Variants in ATP6V1E2 observed in about 807,000 individuals in gnomAD.
ATP6V1E2 encodes V-type proton ATPase subunit E 2.
For missense variants in ATP6V1E2, 308 were observed against 273.3 expected (o/e 1.13, Z -0.90); for synonymous variants, 121 against 104.2 (o/e 1.16, Z -0.98).
At chr2:46,528,190 T>C (rs1667020677) in intron 4 of ATP6V1E2, 1 of 152,274 alleles carries the variant, frequency 6.6e-6, no homozygotes, top group Non-Finnish European at 1.5e-5. Context: ...TGTATGTGTA[T>C]GTATTCCAGT....
intron 2 of ATP6V1E2, among the ~76,000 whole-genome samples, 187 bp from the exon 3 acceptor site, chr2:46,536,890 C>T (rs550256573): frequency 6.6e-6 from 1 of 152,072 alleles, no homozygotes; most frequent in Non-Finnish European, 1.5e-5. Flanking sequence ...TCAAGTGATT[C>T]TCCTGCCTCA....
intron 2 of ATP6V1E2, among the ~76,000 whole-genome samples, chr2:46,540,752 C>A (rs1667712840): frequency 6.6e-6 from 1 of 151,404 alleles, no homozygotes; most frequent in South Asian, 2.1e-4. Context: ...TTCTGGATAG[C>A]CCCCCTCCCC....
At chr2:46,527,000 A>G (rs1666954972) in intron 4 of ATP6V1E2, among the ~76,000 whole-genome samples, 1 of 152,218 alleles carries the variant, frequency 6.6e-6, no homozygotes, top group African/African-American at 2.4e-5. Context: ...ACAGCAATGC[A>G]CATGGGTTCC....
chr2:46,515,587 TAGCA>T (rs770718231), intron 4 of ATP6V1E2, among the ~76,000 whole-genome samples: 2 of 151,528 alleles, frequency 1.3e-5, no homozygotes, highest in African/African-American at 2.4e-5. Flanking sequence ...ACAAGGAAGA[TAGCA>T]AGAGAGGAAA....
At chr2:46,540,770 A>G (rs1235380300) in intron 2 of ATP6V1E2, among the ~76,000 whole-genome samples, 2 of 152,000 alleles carry the variant, frequency 1.3e-5, no homozygotes, top group African/African-American at 2.4e-5. Context: ...CCCATCCCAC[A>G]TATACACCAA....
At chr2:46,534,460 A>AT (rs1228908789) in intron 4 of ATP6V1E2, 1 of 151,272 alleles carries the variant, frequency 6.6e-6, no homozygotes, top group Non-Finnish European at 1.5e-5. Flanking sequence ...TTTTATTTTA[A>AT]TTTTTTAAGT....
intron 4 of ATP6V1E2, among the ~76,000 whole-genome samples, chr2:46,531,844 G>C (rs1667195922): frequency 6.6e-6 from 1 of 152,110 alleles, no homozygotes; most frequent in South Asian, 2.1e-4. Context: ...TTGGAGAAAT[G>C]TCTGTTCAAG....
intron 4 of ATP6V1E2, among the ~76,000 whole-genome samples, chr2:46,513,238 A>C (rs1687560441): frequency 6.6e-6 from 1 of 152,166 alleles, no homozygotes; most frequent in East Asian, 1.9e-4. Context: ...TCCTGGAGGT[A>C]GGAGGGTTGT....
In ATP6V1E2 at chr2:46,530,066, A is replaced by T. The variant is rs1044601225; in HGVS notation, c.-102+5747T>A. The stretch of plus-strand genomic sequence containing the variant: ...GGGTTGAAGGATATCCCTGACTGTA[A>T]GGCATCTGCTGGAAATTCCCACCTT... On this transcript the variant is annotated intron_variant, in intron 4 of 4. Transcript: ENST00000522587. The surrounding 1 kb of genome is among the most constrained non-coding windows in gnomAD (Gnocchi z 5.2). 9.2e-5 allele frequency among the ~76,000 whole-genome samples: 14 copies of T among 152,120 alleles called. No individual in the cohort carries two copies. Among genetic ancestry groups the T allele is most frequent in the Admixed American group, 3.3e-4 (5 of 15,284 alleles).
intron 2 of ATP6V1E2, among the ~76,000 whole-genome samples, chr2:46,537,830 G>C (rs1211936640): frequency 6.6e-6 from 1 of 152,116 alleles, no homozygotes; most frequent in Non-Finnish European, 1.5e-5. Context: ...ATGTGTTTTA[G>C]AACATACTGT....
chr2:46,521,747 G>A (rs1055767602), intron 4 of ATP6V1E2, among the ~76,000 whole-genome samples: 9 of 152,094 alleles, frequency 5.9e-5, no homozygotes, highest in African/African-American at 2.2e-4. Context: ...CTGGAGTGCA[G>A]TGGTGCGATC....
chr2:46,541,970 C>G (rs1667799907), intron 1 of ATP6V1E2: 1 of 152,306 alleles, frequency 6.6e-6, no homozygotes, highest in African/African-American at 2.4e-5. Context: ...GGTACATTTG[C>G]CGGGTCCGGA....
chr2:46,528,452 T>C (rs1558665095), intron 4 of ATP6V1E2, among the ~76,000 whole-genome samples: 1 of 152,190 alleles, frequency 6.6e-6, no homozygotes, highest in Non-Finnish European at 1.5e-5. Context: ...CTGCATGGCA[T>C]ATGAGCAGTT....
chr2:46,536,784 C>T (rs1392181422), intron 2 of ATP6V1E2, 81 bp from the exon 3 acceptor site: 1 of 151,560 alleles, frequency 6.6e-6, no homozygotes, highest in African/African-American at 2.4e-5. Flanking sequence ...CTCTCCTAAA[C>T]TTCTTTTTTT....
intron 2 of ATP6V1E2, among the ~76,000 whole-genome samples, chr2:46,541,174 T>G (rs1412275558): frequency 6.6e-6 from 1 of 152,186 alleles, no homozygotes; most frequent in African/African-American, 2.4e-5. Flanking sequence ...CTGCTCTCTT[T>G]CTCTCTAAGA....
At chr2:46,534,737 C>A (rs144951991) in intron 4 of ATP6V1E2, 5 of 148,300 alleles carry the variant, frequency 3.4e-5, no homozygotes, top group African/African-American at 1.3e-4. Context: ...AGTTACCTCA[C>A]TTTTCGGCTT....
intron 4 of ATP6V1E2, among the ~76,000 whole-genome samples, chr2:46,533,843 A>G (rs1207901672): frequency 6.6e-6 from 1 of 152,242 alleles, no homozygotes; most frequent in East Asian, 1.9e-4. Context: ...ATAGAATTCT[A>G]GATTGACAGT....
chr2:46,526,543 C>T (rs1041597335), intron 4 of ATP6V1E2, among the ~76,000 whole-genome samples: 2 of 152,218 alleles, frequency 1.3e-5, no homozygotes, highest in African/African-American at 4.8e-5. Context: ...ATCCCACATA[C>T]TCTTCCCCAA....
In ATP6V1E2 at chr2:46,527,582, G is replaced by T. The variant is rs560269043; in HGVS notation, c.-102+8231C>A. On this transcript the variant is annotated intron_variant, in intron 4 of 4. Coordinates refer to ENST00000522587, the MANE Select transcript of ATP6V1E2 (RefSeq NM_001318063.2). ...GAGTCTCACTTTGTTGCCCAGGCTG[G>T]TCTTGAACTTTTGGCCTCAAGTGAT... 2.0e-5 allele frequency among the ~76,000 whole-genome samples: 3 copies of T among 152,206 alleles called. No individual in the cohort carries two copies. In the East Asian group the frequency reaches 5.8e-4, roughly 29 times the overall value.
Sources: allele counts gnomAD v4.1 joint callset (sites outside exome capture counted in the v4.1 genomes callset), GRCh38; gene constraint gnomAD v4.1.1; non-coding constraint Gnocchi (gnomAD v3.1); transcripts MANE v1.5; gene names NCBI Gene and HGNC (gene_info 2026-07-23, HGNC 2026-07-21).